The following ASB4 variants were observed in gnomAD, a reference collection of about 807,000 sequenced individuals.
ASB4 encodes the protein ankyrin repeat and SOCS box protein 4.
A neutral mutation model predicts 38.6 loss-of-function variants in ASB4; 35 were observed. The ratio of observed to expected loss-of-function variants is 0.91; its 90% CI spans 0.69 to 1.20. ASB4 has a LOEUF of 1.20. Among genes scored for constraint, ASB4 ranks in the 50% most tolerant of loss-of-function variants. The pLI, the probability that ASB4 is intolerant of heterozygous loss-of-function variation, is 0.00. For missense variants in ASB4, 557 were observed against 527.2 expected (o/e 1.06, Z -0.55); for synonymous variants, 195 against 201.3 (o/e 0.97, Z 0.26).
At chr7:95,515,653 A>C (rs924715550) in intron 2 of ASB4, among the ~76,000 whole-genome samples, 3 of 151,942 alleles carry the variant, frequency 2.0e-5, no homozygotes, top group Non-Finnish European at 2.9e-5. Context: ...TGACCTTGTG[A>C]TCCCCCCGAC....
the ASB4 span, among the ~76,000 whole-genome samples, chr7:95,551,196 G>A: frequency 7.9e-5 from 12 of 152,238 alleles, no homozygotes; most frequent in East Asian, 2.3e-3. Flanking sequence ...GGCCAGGCTG[G>A]TCTCAAACTC....
intron 2 of ASB4, among the ~76,000 whole-genome samples, chr7:95,519,694 T>C (rs1034210743): frequency 3.3e-5 from 5 of 152,200 alleles, no homozygotes; most frequent in Admixed American, 6.5e-5. Context: ...CATGATAATA[T>C]TTTCTCCATG....
intron 3 of ASB4, among the ~76,000 whole-genome samples, chr7:95,531,173 A>C (rs1017080073): frequency 6.6e-6 from 1 of 152,120 alleles, no homozygotes; most frequent in Non-Finnish European, 1.5e-5. Flanking sequence ...GACTTCTTTC[A>C]GTCACAGCAG....
chr7:95,533,760 G>T (rs1023718969), intron 3 of ASB4, among the ~76,000 whole-genome samples: 1 of 152,108 alleles, frequency 6.6e-6, no homozygotes, highest in Non-Finnish European at 1.5e-5. Flanking sequence ...ATGAATATAG[G>T]ACCAACCTCA....
At chr7:95,532,545 T>C (rs1790833444) in intron 3 of ASB4, among the ~76,000 whole-genome samples, 1 of 152,168 alleles carries the variant, frequency 6.6e-6, no homozygotes, top group African/African-American at 2.4e-5. Flanking sequence ...ATTTCTGCCA[T>C]TGAACAATGC....
intron 2 of ASB4, among the ~76,000 whole-genome samples, chr7:95,500,617 C>A (rs929261204): frequency 1.4e-5 from 2 of 144,698 alleles, no homozygotes; most frequent in Admixed American, 1.4e-4. Flanking sequence ...TTTCAACCTG[C>A]GGAAATGAAG....
At chr7:95,515,193 CTT>C (rs1790544378) in intron 2 of ASB4, among the ~76,000 whole-genome samples, 11 of 125,632 alleles carry the variant, frequency 8.8e-5, no homozygotes, top group Non-Finnish European at 3.2e-5. Flanking sequence ...TTCTTTCTTT[CTT>C]TCTTTCTTTC....
At chr7:95,536,639 G>GTT (rs1238422998) in intron 4 of ASB4, 89 bp downstream of exon 4, 5 of 901,544 alleles carry the variant, frequency 5.5e-6, no homozygotes, top group Non-Finnish European at 8.4e-6. Flanking sequence ...AAAAAAGTTG[G>GTT]TTTTGAGAAT....
At chr7:95,517,815 C>T (rs1315318051) in intron 2 of ASB4, among the ~76,000 whole-genome samples, 1 of 151,872 alleles carries the variant, frequency 6.6e-6, no homozygotes, top group Non-Finnish European at 1.5e-5. Context: ...AAACAGAGAC[C>T]ACCCTTTCAA....
the ASB4 span, among the ~76,000 whole-genome samples, chr7:95,472,427 G>A: frequency 4.6e-5 from 7 of 152,176 alleles, no homozygotes; most frequent in South Asian, 1.5e-3. Context: ...TATGTACCTG[G>A]TCCTGTGTGG....
intron 3 of ASB4, 112 bp downstream of exon 3, chr7:95,528,415 T>G: frequency 6.4e-7 from 1 of 1,552,186 alleles, no homozygotes; most frequent in South Asian, 1.2e-5. Flanking sequence ...GCTAACTACC[T>G]CTGATCCTCT....
chr7:95,543,006 T>C (rs1790990878), downstream of ASB4: 1 of 152,164 alleles, frequency 6.6e-6, no homozygotes. Context: ...ATGTAGAAGG[T>C]AGGTACTGAG....
downstream of ASB4, among the ~76,000 whole-genome samples, chr7:95,540,436 C>T (rs1373094362): frequency 8.5e-5 from 13 of 152,246 alleles, no homozygotes; most frequent in East Asian, 5.8e-4. Flanking sequence ...TACAATGCAG[C>T]CTCTTGCTGT....
chr7:95,521,824 G>A lies in ASB4; in HGVS notation c.488-5989G>A, dbSNP rs377737508. On this transcript the variant is annotated intron_variant, in intron 2 of 4. Coordinates refer to ENST00000325885, the MANE Select transcript of ASB4 (RefSeq NM_016116.3). ...TTTTAAATGGATACACATATAAATA[G>A]TAAAAAGAACAAAAATTTACCAAGC... 2.8e-4 allele frequency among the ~76,000 whole-genome samples: 42 copies of A among 151,918 alleles called. No individual in the cohort carries two copies. The Middle Eastern group carries it at 0.01, about 37-fold the overall frequency.
At chr7:95,476,299 A>G (rs1246593861), upstream of ASB4, among the ~76,000 whole-genome samples, 1 of 152,234 alleles carries the variant, frequency 6.6e-6, no homozygotes, top group African/African-American at 2.4e-5. Context: ...GTCATCGGAT[A>G]GCTTTCAGCC....
upstream of ASB4, chr7:95,473,858 A>G (rs1018785015): frequency 6.6e-6 from 1 of 152,180 alleles, no homozygotes; most frequent in Admixed American, 6.5e-5. Flanking sequence ...GGAAAATGAG[A>G]GCAGGGAAGA....
intron 1 of ASB4, among the ~76,000 whole-genome samples, chr7:95,495,009 G>T (rs1790223712): frequency 6.6e-6 from 1 of 152,074 alleles, no homozygotes; most frequent in African/African-American, 2.4e-5. Context: ...AAATTCAAAG[G>T]CAAATTTGCA....
the ASB4 span, among the ~76,000 whole-genome samples, chr7:95,470,919 G>A: frequency 2.0e-5 from 3 of 152,128 alleles, no homozygotes; most frequent in African/African-American, 7.2e-5. Flanking sequence ...TCTCCGGGTG[G>A]TTCCCTGTTT....
chr7:95,474,612 C>T (rs953020968), upstream of ASB4, among the ~76,000 whole-genome samples: 8 of 152,138 alleles, frequency 5.3e-5, no homozygotes, highest in Non-Finnish European at 1.2e-4. Context: ...GCCTTAACCT[C>T]CTGGGCTCAA....
Sources: allele counts gnomAD v4.1 joint callset (sites outside exome capture counted in the v4.1 genomes callset), GRCh38; gene constraint gnomAD v4.1.1; transcripts MANE v1.5; gene names NCBI Gene and HGNC (gene_info 2026-07-23, HGNC 2026-07-21).